The following SGCD variants were observed in gnomAD, a reference collection of about 807,000 sequenced individuals.
The protein encoded by SGCD is delta-sarcoglycan.
Under a neutral mutation model 36.6 loss-of-function variants are expected in SGCD, and 18 were observed. The ratio of observed to expected loss-of-function variants is 0.49; its 90% confidence interval spans 0.34 to 0.73. The LOEUF (loss-of-function observed/expected upper bound fraction) is 0.73. SGCD is among the 30% of genes least tolerant of loss of function. SGCD has a pLI of 0.01. For synonymous variants in SGCD, 133 were observed against 130.6 expected (o/e 1.02, Z -0.12); for missense variants, 387 against 346.7 (o/e 1.12, Z -0.92).
intron 1 of SGCD, among the ~76,000 whole-genome samples, chr5:156,106,614 G>A (rs1761655483): frequency 6.6e-6 from 1 of 152,164 alleles, no homozygotes; most frequent in African/African-American, 2.4e-5. Context: ...ATACTGATAT[G>A]TAATTAACCA....
At chr5:156,622,939 C>T (rs1005289410) in intron 6 of SGCD, among the ~76,000 whole-genome samples, 8 of 152,076 alleles carry the variant, frequency 5.3e-5, no homozygotes, top group African/African-American at 1.9e-4. Flanking sequence ...GTCCTTCTTG[C>T]TTCTGCTGTT....
chr5:156,370,559 G>A (rs1430012664), intron 3 of SGCD, among the ~76,000 whole-genome samples: 1 of 152,172 alleles, frequency 6.6e-6, no homozygotes, highest in Non-Finnish European at 1.5e-5. Flanking sequence ...GGTGTCTGAT[G>A]AATGATTTAT....
At chr5:156,235,666 AACT>A in intron 3 of SGCD, among the ~76,000 whole-genome samples, 1 of 152,306 alleles carries the variant, frequency 6.6e-6, no homozygotes. Flanking sequence ...TTCTAATCGA[AACT>A]ACTGTAATTA....
intron 3 of SGCD, among the ~76,000 whole-genome samples, chr5:156,220,367 A>G (rs1764686992): frequency 6.6e-6 from 1 of 152,170 alleles, no homozygotes; most frequent in Admixed American, 6.6e-5. Flanking sequence ...GCTATAAAGA[A>G]TTCATTCATG....
At chr5:156,284,174 A>G (rs1219577508) in intron 3 of SGCD, among the ~76,000 whole-genome samples, 8 of 152,192 alleles carry the variant, frequency 5.3e-5, no homozygotes, top group Admixed American at 4.6e-4. Flanking sequence ...AATTGAGGCA[A>G]TAATTAATAG....
intron 3 of SGCD, among the ~76,000 whole-genome samples, chr5:156,178,912 G>C (rs963596825): frequency 2.0e-5 from 3 of 152,150 alleles, no homozygotes; most frequent in Admixed American, 6.5e-5. Context: ...GATTTTAGCA[G>C]TGCCTACAAC....
chr5:156,265,386 G>A (rs1561591050), intron 3 of SGCD, among the ~76,000 whole-genome samples: 1 of 151,988 alleles, frequency 6.6e-6, no homozygotes, highest in Admixed American at 6.6e-5. Flanking sequence ...GAATGGATTT[G>A]CATGTCCTTT....
chr5:155,836,814 G>A, the SGCD span, among the ~76,000 whole-genome samples: 1 of 152,140 alleles, frequency 6.6e-6, no homozygotes, highest in African/African-American at 2.4e-5. Flanking sequence ...GTGGATCTCA[G>A]CTTTGGAAAA....
At chr5:155,846,732 A>T in the SGCD span, among the ~76,000 whole-genome samples, 1 of 152,234 alleles carries the variant, frequency 6.6e-6, no homozygotes, top group African/African-American at 2.4e-5. Flanking sequence ...TCTGTATAAC[A>T]CAAAGTAAAG....
chr5:156,266,174 A>G (rs1765995491), intron 3 of SGCD, among the ~76,000 whole-genome samples: 2 of 152,258 alleles, frequency 1.3e-5, no homozygotes, highest in African/African-American at 2.4e-5. Context: ...TTAAATTGGA[A>G]AAAAGTACCT....
At chr5:156,152,803 T>G (rs940487905) in intron 3 of SGCD, among the ~76,000 whole-genome samples, 1 of 151,692 alleles carries the variant, frequency 6.6e-6, no homozygotes, top group Non-Finnish European at 1.5e-5. Context: ...AATATATAAC[T>G]TCTTGAAGAA....
chr5:156,176,147 G>A (rs1344437910), intron 3 of SGCD, among the ~76,000 whole-genome samples: 1 of 152,020 alleles, frequency 6.6e-6, no homozygotes, highest in Non-Finnish European at 1.5e-5. Flanking sequence ...TTGTGTGTGT[G>A]TGTGTTTGTG....
chr5:156,419,984 C>G (rs908308162), intron 3 of SGCD, among the ~76,000 whole-genome samples: 2 of 152,054 alleles, frequency 1.3e-5, no homozygotes, highest in African/African-American at 2.4e-5. Flanking sequence ...TAGGAAGACT[C>G]TTGTGACATG....
At chr5:156,531,090 T>G (rs1219312878) in intron 4 of SGCD, among the ~76,000 whole-genome samples, 1 of 152,170 alleles carries the variant, frequency 6.6e-6, no homozygotes, top group Non-Finnish European at 1.5e-5. Context: ...GACTCCTCCC[T>G]CATGAATGGG....
intron 3 of SGCD, among the ~76,000 whole-genome samples, chr5:156,289,584 T>C (rs1766704700): frequency 6.6e-6 from 1 of 151,970 alleles, no homozygotes. Flanking sequence ...TTCTTCTTTT[T>C]TTTATTTTTT....
chr5:155,811,834 T>C, the SGCD span, among the ~76,000 whole-genome samples: 3 of 152,194 alleles, frequency 2.0e-5, no homozygotes, highest in Non-Finnish European at 4.4e-5. Context: ...GGATTTAGGG[T>C]CATTTGATTA....
the SGCD span, among the ~76,000 whole-genome samples, chr5:155,767,356 C>G: frequency 6.6e-6 from 1 of 152,222 alleles, no homozygotes; most frequent in Non-Finnish European, 1.5e-5. Flanking sequence ...ATCATTGCAT[C>G]CGCTTCTCAC....
chr5:156,565,774 C>T (rs923853392), intron 4 of SGCD, among the ~76,000 whole-genome samples: 2 of 152,020 alleles, frequency 1.3e-5, no homozygotes, highest in African/African-American at 2.4e-5. Context: ...TCAACTCCCA[C>T]TTATGAGTGA....
At chr5:156,095,031 G>A (rs1462596772) in intron 1 of SGCD, among the ~76,000 whole-genome samples, 1 of 151,960 alleles carries the variant, frequency 6.6e-6, no homozygotes, top group Non-Finnish European at 1.5e-5. Context: ...TGCTTATTCT[G>A]ACTTGGTTTC....
Sources: gnomAD v4.1 joint callset for allele counts (sites outside exome capture counted in the v4.1 genomes callset) on GRCh38, gnomAD v4.1.1 for gene constraint, MANE v1.5 for transcripts, NCBI Gene and HGNC (gene_info 2026-07-23, HGNC 2026-07-21) for gene names.